RIC3: variants seen among roughly 807,000 people sequenced by gnomAD.
RIC3 encodes the protein RIC3 acetylcholine receptor chaperone.
RIC3 carries 28 observed loss-of-function variants against 27.3 expected under a neutral mutation model. The observed-to-expected ratio is 1.02, with a 90% CI of 0.76 to 1.41. RIC3 has a LOEUF of 1.41. RIC3 is among the 40% of genes most tolerant of loss of function. The pLI is 0.00. For synonymous variants in RIC3, 184 were observed against 160.4 expected, an observed-to-expected ratio of 1.15 and a Z score of -1.11; for missense variants, 501 against 444.7, an observed-to-expected ratio of 1.13 and a Z score of -1.14.
chr11:8,106,084 TTGAATAAACTTTG>T lies in RIC3; in HGVS notation c.*4601_*4613del, dbSNP rs1328628424. On this transcript the variant is annotated 3_prime_UTR_variant, in exon 6 of 6. Transcript: ENST00000309737. The stretch of plus-strand genomic sequence containing the variant: ...GCAAAACTGTGCTTTTATTGACTTT[TTGAATAAACTTTG>T]GTATTCTGGAGCAAATGTATTTATT... 1 of 152,246 alleles carries T rather than the reference TTGAATAAACTTTG, an allele frequency of 6.6e-6. No homozygotes were observed. The highest frequency in any genetic ancestry group is 1.9e-4 in the East Asian group (1 of 5,200). The allele number at this position is 152,246 out of a possible 1,614,324, so 9.4% of individuals were successfully genotyped here. A position where few individuals can be genotyped will look rare whatever the true frequency, so the allele number is the denominator to read the frequency against.
chr11:8,101,473 T>C, downstream of RIC3: 8 of 1,614,208 alleles, frequency 5.0e-6, no homozygotes, highest in Non-Finnish European at 6.8e-6. Context: ...TCTGTGCCTG[T>C]GCTTGGCCCC....
At position 8,126,656 on chromosome 11, in the gene RIC3, T is replaced by C; in HGVS notation, c.670+3A>G. 1 of 1,613,928 alleles carries C rather than the reference T, an allele frequency of 6.2e-7. No individual in the cohort carries two copies. Among genetic ancestry groups the C allele is most frequent in the East Asian group, 2.2e-5 (1 of 44,872 alleles). ...AACAAAAAAATGAGAAGACACTGTT[T>C]ACCTTCCCAGTCCTCCATGTAAGGG... On this transcript the variant is annotated splice_donor_region_variant and intron_variant, in intron 5 of 5. Coordinates refer to ENST00000309737, the MANE Select transcript of RIC3 (RefSeq NM_001206671.4).
At chr11:8,119,158 G>A (rs749875184) in intron 5 of RIC3, among the ~76,000 whole-genome samples, 8 of 152,128 alleles carry the variant, frequency 5.3e-5, no homozygotes, top group Non-Finnish European at 8.8e-5. Context: ...GTCTTCAGAT[G>A]GGAAGGACTC....
At chr11:8,128,316 T>A (rs534267994) in intron 4 of RIC3, 14 of 456,402 alleles carry the variant, frequency 3.1e-5, no homozygotes, top group Admixed American at 4.7e-5. Context: ...ACAGTCTTAA[T>A]TCTGTTTCCT....
chr11:8,145,086 C>T (rs370370147), intron 1 of RIC3, among the ~76,000 whole-genome samples: 14 of 138,962 alleles, frequency 1.0e-4, no homozygotes, highest in South Asian at 4.8e-4. Context: ...TGCTAGATGA[C>T]GAGTTAGTGG....
downstream of RIC3, chr11:8,105,197 T>C (rs952892684): frequency 6.6e-6 from 1 of 152,218 alleles, no homozygotes; most frequent in African/African-American, 2.4e-5. Context: ...CCTTCTCTAA[T>C]TCCTTACCCC....
At chr11:8,129,276 A>G (rs556093436) in intron 4 of RIC3, among the ~76,000 whole-genome samples, 6 of 152,068 alleles carry the variant, frequency 3.9e-5, no homozygotes, top group Non-Finnish European at 7.4e-5. Context: ...CAATTTTCCC[A>G]AGGCTCAATC....
chr11:8,158,968 T>C (rs951419686), intron 1 of RIC3, among the ~76,000 whole-genome samples: 2 of 150,988 alleles, frequency 1.3e-5, no homozygotes, highest in African/African-American at 2.4e-5. Context: ...CCTGACCTTG[T>C]GATCCACCCG....
chr11:8,112,211 T>C (rs1021252332), intron 5 of RIC3, among the ~76,000 whole-genome samples: 1 of 152,104 alleles, frequency 6.6e-6, no homozygotes, highest in Non-Finnish European at 1.5e-5. Context: ...ACCCATAATA[T>C]CTTCACTCAT....
intron 5 of RIC3, among the ~76,000 whole-genome samples, chr11:8,113,803 G>A (rs1278984334): frequency 6.6e-6 from 1 of 152,148 alleles, no homozygotes; most frequent in Non-Finnish European, 1.5e-5. Context: ...CTAGCCTTCA[G>A]ACACATCCAT....
At chr11:8,097,202 C>T in the RIC3 span, 56 of 1,612,814 alleles carry the variant, frequency 3.5e-5, 1 homozygote, top group South Asian at 5.2e-4. Flanking sequence ...CCTTGGGGCT[C>T]AGGCACCTAT....
At chr11:8,161,820 A>G (rs1440005944) in intron 1 of RIC3, among the ~76,000 whole-genome samples, 1 of 152,130 alleles carries the variant, frequency 6.6e-6, no homozygotes, top group African/African-American at 2.4e-5. Flanking sequence ...AGCTCTACAC[A>G]CACACGTATA....
intron 1 of RIC3, among the ~76,000 whole-genome samples, chr11:8,146,428 G>A (rs1404012956): frequency 6.6e-6 from 1 of 152,098 alleles, no homozygotes; most frequent in African/African-American, 2.4e-5. Context: ...TGTGGGTTGA[G>A]GATAAAGAAC....
chr11:8,114,027 T>C (rs1945562029), intron 5 of RIC3, among the ~76,000 whole-genome samples: 1 of 152,102 alleles, frequency 6.6e-6, no homozygotes, highest in African/African-American at 2.4e-5. Context: ...GATCCAGGCT[T>C]CAACCCCAAC....
intron 5 of RIC3, among the ~76,000 whole-genome samples, chr11:8,123,098 G>C (rs368080619): frequency 6.6e-6 from 1 of 151,760 alleles, no homozygotes; most frequent in Non-Finnish European, 1.5e-5. Flanking sequence ...AAAAAACACT[G>C]AATAAGATTA....
At chr11:8,141,508 G>T (rs1949067488) in intron 1 of RIC3, among the ~76,000 whole-genome samples, 1 of 151,758 alleles carries the variant, frequency 6.6e-6, no homozygotes, top group Non-Finnish European at 1.5e-5. Context: ...CCCAATACAG[G>T]AGCACCCAGA....
At chr11:8,093,060 C>T in the RIC3 span, among the ~76,000 whole-genome samples, 4 of 152,154 alleles carry the variant, frequency 2.6e-5, no homozygotes, top group Admixed American at 6.6e-5. Flanking sequence ...CCTGCTTTCA[C>T]GGACCTTACA....
At chr11:8,127,650 T>G (rs763581984) in intron 4 of RIC3, among the ~76,000 whole-genome samples, 57 of 152,276 alleles carry the variant, frequency 3.7e-4, no homozygotes, top group Middle Eastern at 3.4e-3. Context: ...AGGTCCTACT[T>G]AGAAGACTGA....
chr11:8,099,003 C>A, the RIC3 span: 1 of 734,558 alleles, frequency 1.4e-6, no homozygotes, highest in Non-Finnish European at 2.4e-6. Flanking sequence ...GGGCTGTCCT[C>A]TGTGGAGTGT....
Sources: gnomAD v4.1 joint callset for allele counts (sites outside exome capture counted in the v4.1 genomes callset) on GRCh38, gnomAD v4.1.1 for gene constraint, MANE v1.5 for transcripts, NCBI Gene and HGNC (gene_info 2026-07-23, HGNC 2026-07-21) for gene names.